The following LNX2 variants were observed in gnomAD, a reference collection of about 807,000 sequenced individuals.
LNX2 encodes ligand of Numb protein X 2.
LNX2 carries 35 observed loss-of-function variants against 66.2 expected under a neutral mutation model. That is an observed-to-expected ratio of 0.53 (90% confidence interval 0.40 to 0.70). The LOEUF (loss-of-function observed/expected upper bound fraction) is 0.70, where lower values mean the gene tolerates loss of function less well. LNX2 is among the 30% of genes least tolerant of loss of function. The probability of loss-of-function intolerance (pLI) is 0.00; values close to 1 mark genes in which losing one functional copy is unlikely to be tolerated. For missense variants in LNX2, 791 were observed against 850.8 expected (o/e 0.93, Z 0.87); for synonymous variants, 337 against 315.6 (o/e 1.07, Z -0.72).
At chr13:27,599,084 T>G (rs1453431138) in intron 1 of LNX2, among the ~76,000 whole-genome samples, 1 of 152,182 alleles carries the variant, frequency 6.6e-6, no homozygotes, top group Admixed American at 6.5e-5. Context: ...TCAATAATTA[T>G]ATGCTTCTGT....
chr13:27,590,554 A>G (rs1955536604), intron 1 of LNX2, among the ~76,000 whole-genome samples: 1 of 152,036 alleles, frequency 6.6e-6, no homozygotes, highest in Admixed American at 6.6e-5. Context: ...AGGCAAGCAC[A>G]GGTAAATGTT....
chr13:27,596,173 C>A (rs529067386), intron 1 of LNX2, among the ~76,000 whole-genome samples: 8 of 151,568 alleles, frequency 5.3e-5, no homozygotes, highest in Non-Finnish European at 7.4e-5. Context: ...TGAAAAAACG[C>A]ACAGATGAAC....
intron 1 of LNX2, among the ~76,000 whole-genome samples, chr13:27,619,960 G>A (rs1230035208): frequency 2.0e-5 from 3 of 152,276 alleles, no homozygotes; most frequent in Admixed American, 6.5e-5. Context: ...GATAAAGGCA[G>A]CTAGTGCCAC....
chr13:27,587,969 C>G (rs566818218), intron 1 of LNX2, among the ~76,000 whole-genome samples: 12 of 141,048 alleles, frequency 8.5e-5, no homozygotes, highest in Non-Finnish European at 3.0e-5. Flanking sequence ...TGCAGTAAGC[C>G]GAGATGGCGC....
chr13:27,556,427 G>GA lies in LNX2; in HGVS notation c.1369-15dup, dbSNP rs1566115703. 10 of 1,601,828 alleles carry GA rather than the reference G, an allele frequency of 6.2e-6. No homozygotes were observed. Among genetic ancestry groups the GA allele is most frequent in the Non-Finnish European group, 5.1e-6 (6 of 1,173,976 alleles). On this transcript the variant is annotated splice_polypyrimidine_tract_variant and intron_variant, in intron 6 of 9. Transcript: ENST00000316334. ...CTGAGTAAGATCCTAAAACATACAA[G>GA]AAAAAAATCATTGGATAATGAATAA...
rs1185984745 is a variant in LNX2 at position 27,568,767 on chromosome 13, G to C, written c.655+262C>G. Among the ~76,000 whole-genome samples, 4 of 152,168 alleles carry C rather than the reference G, an allele frequency of 2.6e-5. No individual in the cohort carries two copies. In the East Asian group the frequency reaches 7.7e-4, roughly 29 times the overall value. On this transcript the variant is annotated intron_variant, in intron 3 of 9. Coordinates refer to ENST00000316334, the MANE Select transcript of LNX2 (RefSeq NM_153371.4). ...CACGCGAATGACTAGTGAGTGCACA[G>C]ACTGCAACAGAAAAGGGATGGGTTA...
At chr13:27,595,961 G>C (rs17755436) in intron 1 of LNX2, among the ~76,000 whole-genome samples, 14,894 of 152,144 alleles carry the variant, frequency 0.098, 1,006 homozygotes, top group Non-Finnish European at 0.14. Flanking sequence ...ATGCTAAGAC[G>C]AAGCCAACAC....
At chr13:27,555,803 T>C (rs1035611831) in intron 7 of LNX2, among the ~76,000 whole-genome samples, 1 of 152,216 alleles carries the variant, frequency 6.6e-6, no homozygotes, top group African/African-American at 2.4e-5. Flanking sequence ...GCAAATTATA[T>C]AGCATTGATA....
intron 4 of LNX2, among the ~76,000 whole-genome samples, chr13:27,564,468 CTAAGTTA>C (rs1955180016): frequency 6.6e-6 from 1 of 151,890 alleles, no homozygotes; most frequent in Admixed American, 6.6e-5. Context: ...TAATAATGTT[CTAAGTTA>C]TATTACTTTT....
intron 6 of LNX2, among the ~76,000 whole-genome samples, chr13:27,559,588 A>T (rs1955103755): frequency 6.6e-6 from 1 of 152,214 alleles, no homozygotes; most frequent in Non-Finnish European, 1.5e-5. Flanking sequence ...CTGGCAAAGG[A>T]AACTTCCCCT....
intron 1 of LNX2, among the ~76,000 whole-genome samples, chr13:27,615,594 C>G (rs1432778248): frequency 6.6e-6 from 1 of 152,168 alleles, no homozygotes; most frequent in Non-Finnish European, 1.5e-5. Context: ...GTGCCCAGGG[C>G]CCATCCTGAA....
intron 1 of LNX2, among the ~76,000 whole-genome samples, chr13:27,588,443 T>C (rs989368559): frequency 7.9e-5 from 12 of 152,228 alleles, no homozygotes; most frequent in Admixed American, 4.6e-4. Context: ...ACTGTATTGT[T>C]CCATGCATAT....
At chr13:27,578,006 T>C (rs183075685) in intron 2 of LNX2, among the ~76,000 whole-genome samples, 4 of 152,236 alleles carry the variant, frequency 2.6e-5, no homozygotes, top group South Asian at 4.1e-4. Context: ...TGTCCATGTC[T>C]CTTAAAATTC....
intron 4 of LNX2, among the ~76,000 whole-genome samples, 170 bp downstream of exon 4, chr13:27,567,466 CTGTG>C (rs1955220462): frequency 6.6e-6 from 1 of 152,122 alleles, no homozygotes; most frequent in South Asian, 2.1e-4. Context: ...AAAAAATACT[CTGTG>C]TATATGGGAA....
intron 2 of LNX2, among the ~76,000 whole-genome samples, chr13:27,571,384 A>G (rs1955277821): frequency 6.6e-6 from 1 of 152,242 alleles, no homozygotes; most frequent in Non-Finnish European, 1.5e-5. Context: ...AAAAGCCCAG[A>G]TTATACTACA....
intron 6 of LNX2, among the ~76,000 whole-genome samples, chr13:27,558,402 T>C (rs1365345294): frequency 1.3e-5 from 2 of 152,076 alleles, no homozygotes; most frequent in African/African-American, 2.4e-5. Flanking sequence ...AGAATTAGCA[T>C]AGTTATGACA....
At chr13:27,613,699 T>C (rs1052976374) in intron 1 of LNX2, among the ~76,000 whole-genome samples, 3 of 151,494 alleles carry the variant, frequency 2.0e-5, no homozygotes, top group African/African-American at 4.9e-5. Context: ...ACCTGGGAGG[T>C]AGAGGTTGCC....
chr13:27,589,656 C>T (rs1202209941), intron 1 of LNX2, among the ~76,000 whole-genome samples: 1 of 152,038 alleles, frequency 6.6e-6, no homozygotes, highest in African/African-American at 2.4e-5. Flanking sequence ...AAGGCAAAAA[C>T]CAAACTGGGT....
At chr13:27,578,965 A>T (rs142802946) in intron 2 of LNX2, among the ~76,000 whole-genome samples, 227 of 152,322 alleles carry the variant, frequency 1.5e-3, no homozygotes, top group African/African-American at 5.3e-3. Context: ...AATAACTGAA[A>T]CACAGATCAA....
Sources: allele counts gnomAD v4.1 joint callset (sites outside exome capture counted in the v4.1 genomes callset), GRCh38; gene constraint gnomAD v4.1.1; transcripts MANE v1.5; gene names NCBI Gene and HGNC (gene_info 2026-07-23, HGNC 2026-07-21).